TRIM49: variants seen among roughly 807,000 people sequenced by gnomAD.
TRIM49 encodes the protein tripartite motif-containing protein 49.
Under a neutral mutation model 27.4 loss-of-function variants are expected in TRIM49, and 5 were observed. The observed-to-expected ratio is 0.18, with a 90% CI of 0.10 to 0.38. The LOEUF is 0.38. TRIM49 is among the 10% of genes least tolerant of loss of function. The pLI is 1.00. For synonymous variants in TRIM49, 69 were observed against 166.0 expected (o/e 0.42, Z 4.49); for missense variants, 188 against 487.5 (o/e 0.39, Z 5.79).
chr11:89,793,907 G>C (rs977908865), downstream of TRIM49, among the ~76,000 whole-genome samples: 1 of 151,708 alleles, frequency 6.6e-6, no homozygotes, highest in Non-Finnish European at 1.5e-5. Context: ...GCAAGAGAAA[G>C]AAATAAAGGG....
intron 2 of TRIM49, among the ~76,000 whole-genome samples, chr11:89,804,887 T>C (rs1475014670): frequency 6.7e-6 from 1 of 149,850 alleles, no homozygotes; most frequent in Non-Finnish European, 1.5e-5. Flanking sequence ...TATGAGAAGA[T>C]GGCCAAAGAA....
At chr11:89,785,628 A>T in the TRIM49 span, among the ~76,000 whole-genome samples, 1 of 145,496 alleles carries the variant, frequency 6.9e-6, no homozygotes, top group Non-Finnish European at 1.5e-5. Flanking sequence ...AAATTCTTCC[A>T]TAATAATTGA....
chr11:89,807,722 G>C (rs1490159337), intron 1 of TRIM49, among the ~76,000 whole-genome samples: 1 of 150,956 alleles, frequency 6.6e-6, no homozygotes, highest in Non-Finnish European at 1.5e-5. Flanking sequence ...TTTTGGTAAA[G>C]TCAGTGTATG....
chr11:89,768,156 G>A, the TRIM49 span: 139 of 1,101,060 alleles, frequency 1.3e-4, 8 homozygotes, highest in South Asian at 1.7e-3. Flanking sequence ...TGAAGGCATT[G>A]CATGTTGATC....
chr11:89,807,494 T>A (rs1390019058), intron 1 of TRIM49, among the ~76,000 whole-genome samples: 3 of 151,122 alleles, frequency 2.0e-5, no homozygotes, highest in African/African-American at 7.4e-5. Flanking sequence ...TTAACTAAGA[T>A]GCATTTTATA....
downstream of TRIM49, among the ~76,000 whole-genome samples, chr11:89,794,054 A>G (rs1410828651): frequency 1.4e-5 from 2 of 141,722 alleles, no homozygotes; most frequent in Non-Finnish European, 3.1e-5. Context: ...AGGGTACAAA[A>G]TCAATGTGCA....
At chr11:89,768,139 C>A in the TRIM49 span, 3 of 991,758 alleles carry the variant, frequency 3.0e-6, 1 homozygote, top group Non-Finnish European at 4.5e-6. Flanking sequence ...CCATAGAAAA[C>A]CATAACTGAA....
the TRIM49 span, among the ~76,000 whole-genome samples, chr11:89,790,728 C>T: frequency 6.6e-6 from 1 of 151,860 alleles, no homozygotes; most frequent in Non-Finnish European, 1.5e-5. Flanking sequence ...GAAAGGACAT[C>T]CACACCAAAA....
downstream of TRIM49, chr11:89,797,592 G>C (rs996646547): frequency 6.6e-6 from 1 of 152,202 alleles, no homozygotes; most frequent in Non-Finnish European, 1.5e-5. Flanking sequence ...CACTAATAAT[G>C]AAGGATTATT....
intron 2 of TRIM49, among the ~76,000 whole-genome samples, chr11:89,804,969 C>G (rs1301638172): frequency 1.3e-5 from 2 of 150,992 alleles, no homozygotes; most frequent in African/African-American, 2.5e-5. Context: ...CACCATGGCA[C>G]AAGTTTACCT....
downstream of TRIM49, among the ~76,000 whole-genome samples, chr11:89,796,300 A>G (rs1949688405): frequency 6.6e-6 from 1 of 150,806 alleles, no homozygotes; most frequent in South Asian, 2.1e-4. Context: ...GGGCACCACC[A>G]TGGCTCACTG....
intron 1 of TRIM49, among the ~76,000 whole-genome samples, chr11:89,807,629 A>G (rs1384232320): frequency 6.6e-6 from 1 of 150,770 alleles, no homozygotes; most frequent in Non-Finnish European, 1.5e-5. Context: ...TTGAATTCCA[A>G]GTAATCCTCC....
At chr11:89,783,998 T>G in the TRIM49 span, among the ~76,000 whole-genome samples, 3 of 141,304 alleles carry the variant, frequency 2.1e-5, 1 homozygote, top group South Asian at 2.2e-4. Context: ...TTTAAGGAAA[T>G]CACCTGGTGT....
the TRIM49 span, chr11:89,789,651 G>T: frequency 2.0e-5 from 3 of 152,112 alleles, no homozygotes; most frequent in Admixed American, 6.5e-5. Context: ...TCTAATTGCC[G>T]TTGGAATAGC....
intron 4 of TRIM49, among the ~76,000 whole-genome samples, chr11:89,803,493 A>T (rs1218284242): frequency 1.3e-5 from 2 of 151,402 alleles, no homozygotes; most frequent in East Asian, 3.9e-4. Flanking sequence ...GCTTTGGGTG[A>T]CATCAGTAGT....
chr11:89,791,406 C>G, the TRIM49 span, among the ~76,000 whole-genome samples: 1 of 151,684 alleles, frequency 6.6e-6, no homozygotes, highest in Non-Finnish European at 1.5e-5. Flanking sequence ...CACAAAGATA[C>G]TCCTCAAGAA....
chr11:89,767,926 C>T, the TRIM49 span, among the ~76,000 whole-genome samples: 4 of 137,300 alleles, frequency 2.9e-5, no homozygotes, highest in South Asian at 2.2e-4. Context: ...AATTGTATCA[C>T]GATTGAACCA....
downstream of TRIM49, among the ~76,000 whole-genome samples, chr11:89,796,491 C>T (rs1178722899): frequency 7.3e-6 from 1 of 136,846 alleles, no homozygotes; most frequent in Non-Finnish European, 1.5e-5. Flanking sequence ...ACACCTTGGT[C>T]TCCCCAAGTG....
the TRIM49 span, chr11:89,787,657 GC>G: frequency 1.0e-6 from 1 of 999,586 alleles, no homozygotes; most frequent in Non-Finnish European, 1.4e-6. Flanking sequence ...AGGCACCCGC[GC>G]CCACCTTCCA....
Sources: allele counts gnomAD v4.1 joint callset (sites outside exome capture counted in the v4.1 genomes callset), GRCh38; gene constraint gnomAD v4.1.1; transcripts MANE v1.5; gene names NCBI Gene and HGNC (gene_info 2026-07-23, HGNC 2026-07-21).